Variants in OR3A2 observed in about 807,000 individuals in gnomAD.
OR3A2 encodes the protein olfactory receptor 3A2.
For synonymous variants in OR3A2, 126 were observed against 159.3 expected (o/e 0.79, Z 1.57); for missense variants, 318 against 392.8 (o/e 0.81, Z 1.61).
intron 3 of OR3A2, among the ~76,000 whole-genome samples, chr17:3,299,065 T>C (rs1479771280): frequency 6.6e-6 from 1 of 152,196 alleles, no homozygotes; most frequent in Non-Finnish European, 1.5e-5. Flanking sequence ...ATTAGTTTCA[T>C]GGGGGTAATT....
exon 2 of OR3A2, chr17:3,278,849 T>C (rs915161644): frequency 2.0e-6 from 3 of 1,532,842 alleles, no homozygotes; most frequent in Non-Finnish European, 2.6e-6. Context: ...GCATCTCTTC[T>C]GTTTGCACTA....
chr17:3,291,122 T>G (rs2048861665), intron 3 of OR3A2: 1 of 152,856 alleles, frequency 6.5e-6, no homozygotes, highest in Non-Finnish European at 1.5e-5. Flanking sequence ...TTAATGGGAA[T>G]AGAAAGAGCT....
intron 3 of OR3A2, among the ~76,000 whole-genome samples, chr17:3,312,772 T>G (rs2049054539): frequency 6.6e-6 from 1 of 152,104 alleles, no homozygotes; most frequent in South Asian, 2.1e-4. Context: ...TACAGGTGCC[T>G]GCCACCACGT....
chr17:3,341,079 A>G (rs949170769), intron 2 of OR3A2, among the ~76,000 whole-genome samples: 39 of 152,026 alleles, frequency 2.6e-4, no homozygotes, highest in African/African-American at 8.9e-4. Flanking sequence ...CAGAGACTAG[A>G]ATTGCAACCC....
At chr17:3,350,649 T>C (rs1420020468) in intron 2 of OR3A2, among the ~76,000 whole-genome samples, 1 of 149,672 alleles carries the variant, frequency 6.7e-6, no homozygotes, top group African/African-American at 2.4e-5. Flanking sequence ...TTCCAATCAA[T>C]AGAAAAAGAG....
At chr17:3,326,138 G>A (rs2049169864) in intron 3 of OR3A2, among the ~76,000 whole-genome samples, 2 of 152,208 alleles carry the variant, frequency 1.3e-5, no homozygotes, top group South Asian at 4.1e-4. Context: ...TTCTATGGCT[G>A]CATAGTATAT....
At position 3,291,649 on chromosome 17, in the gene OR3A2, G is replaced by A. The variant is rs369989429; in HGVS notation, c.-84-12496C>T. ...TTGAGACCTCCTCAAGCCAGTGACC[G>A]CCTCCCTGTGAGCATCCTCCAGATG... is the stretch of plus-strand genomic sequence containing the variant. On this transcript the variant is annotated intron_variant, in intron 3 of 4. Coordinates refer to the OR3A2 transcript ENST00000573491. 1.2e-4 allele frequency: 186 copies of A among 1,597,570 alleles called. 1 individual carries two copies. The highest frequency in any genetic ancestry group is 3.4e-4 in the South Asian group (31 of 90,164).
intron 3 of OR3A2, among the ~76,000 whole-genome samples, chr17:3,323,712 T>C (rs892822342): frequency 6.6e-6 from 1 of 152,146 alleles, no homozygotes; most frequent in Non-Finnish European, 1.5e-5. Context: ...TTGTAGAGTT[T>C]CTGCTGAGAG....
intron 3 of OR3A2, among the ~76,000 whole-genome samples, chr17:3,325,203 ATTTTTTTTTT>A (rs61124691): frequency 9.2e-6 from 1 of 108,616 alleles, no homozygotes; most frequent in Admixed American, 1.1e-4. Flanking sequence ...GATCCTTCCA[ATTTTTTTTTT>A]TTTTTTTTTT....
intron 3 of OR3A2, among the ~76,000 whole-genome samples, chr17:3,313,607 C>T (rs1645685470): frequency 6.6e-6 from 1 of 152,384 alleles, no homozygotes; most frequent in Admixed American, 6.5e-5. Flanking sequence ...TTCCTGGCTT[C>T]TCCACTCAAT....
chr17:3,370,715 G>A (rs2049607842), intron 2 of OR3A2, among the ~76,000 whole-genome samples: 2 of 151,666 alleles, frequency 1.3e-5, no homozygotes, highest in East Asian at 3.9e-4. Context: ...TGGAGGGAAG[G>A]TCAGCAGATA....
chr17:3,350,142 C>G (rs917722536), intron 2 of OR3A2, among the ~76,000 whole-genome samples: 1 of 151,656 alleles, frequency 6.6e-6, no homozygotes, highest in Non-Finnish European at 1.5e-5. Flanking sequence ...CAAGAGCAAA[C>G]ACTTTCAAAA....
intron 2 of OR3A2, among the ~76,000 whole-genome samples, chr17:3,337,050 C>A (rs1397034526): frequency 6.6e-6 from 1 of 152,200 alleles, no homozygotes; most frequent in Non-Finnish European, 1.5e-5. Context: ...ATACCTCTTT[C>A]TGCTTCCAAA....
intron 2 of OR3A2, among the ~76,000 whole-genome samples, chr17:3,367,231 A>T (rs2049571757): frequency 6.6e-6 from 1 of 152,156 alleles, no homozygotes; most frequent in Non-Finnish European, 1.5e-5. Flanking sequence ...ATTTCAATAG[A>T]TTTTGGGGAA....
At chr17:3,372,075 T>C (rs1322450156) in intron 2 of OR3A2, among the ~76,000 whole-genome samples, 2 of 133,220 alleles carry the variant, frequency 1.5e-5, no homozygotes, top group Non-Finnish European at 3.1e-5. Context: ...GACGGGGCAG[T>C]TGCCAGGCGG....
chr17:3,282,047 C>G (rs183255924), intron 1 of OR3A2, among the ~76,000 whole-genome samples: 1 of 152,076 alleles, frequency 6.6e-6, no homozygotes, highest in Non-Finnish European at 1.5e-5. Context: ...TTCTCCATAC[C>G]GGACATGAAG....
chr17:3,320,397 T>C (rs1393150963), intron 3 of OR3A2, among the ~76,000 whole-genome samples: 1 of 145,950 alleles, frequency 6.9e-6, no homozygotes, highest in Non-Finnish European at 1.5e-5. Flanking sequence ...ATCCCATTTG[T>C]CAATTTTGTC....
At chr17:3,336,742 C>T (rs1317163263) in intron 2 of OR3A2, among the ~76,000 whole-genome samples, 1 of 152,182 alleles carries the variant, frequency 6.6e-6, no homozygotes, top group East Asian at 1.9e-4. Context: ...CCTCTTAACT[C>T]TTTCCCCTCT....
intron 2 of OR3A2, among the ~76,000 whole-genome samples, chr17:3,339,904 G>A (rs2049302986): frequency 6.6e-6 from 1 of 152,072 alleles, no homozygotes; most frequent in Non-Finnish European, 1.5e-5. Context: ...TCTGGTCCTG[G>A]ACTTTTTTTG....
Sources: gnomAD v4.1 joint callset for allele counts (sites outside exome capture counted in the v4.1 genomes callset) on GRCh38, gnomAD v4.1.1 for gene constraint, MANE v1.5 for transcripts, NCBI Gene and HGNC (gene_info 2026-07-23, HGNC 2026-07-21) for gene names.